Variants in ROR2 observed in about 807,000 individuals in gnomAD.
ROR2 encodes the protein ROR family WNT receptor 2.
In ROR2, 33 loss-of-function variants were observed where a neutral mutation model predicts 74.9. The ratio of observed to expected loss-of-function variants is 0.44; its 90% CI spans 0.33 to 0.59. The LOEUF (loss-of-function observed/expected upper bound fraction) is 0.59. Ranked by LOEUF, ROR2 falls within the 20% of genes least tolerant of loss-of-function variation. The pLI is 0.02. For missense variants in ROR2, 1,216 were observed against 1,313.8 expected (o/e 0.93, Z 1.15); for synonymous variants, 586 against 558.7 (o/e 1.05, Z -0.69).
chr9:91,730,883 T>A, intron 7 of ROR2, 27 bp downstream of exon 7: 1 of 1,613,624 alleles, frequency 6.2e-7, no homozygotes, highest in Non-Finnish European at 8.5e-7. Flanking sequence ...AATCAACACA[T>A]TAAAAAAAGA....
At chr9:91,753,918 T>C (rs1406334532) in intron 4 of ROR2, among the ~76,000 whole-genome samples, 6 of 152,240 alleles carry the variant, frequency 3.9e-5, no homozygotes, top group African/African-American at 1.4e-4. Flanking sequence ...GGTAAGCATA[T>C]TTCTTCATTG....
At chr9:91,764,389 T>C (rs1025252553) in intron 2 of ROR2, among the ~76,000 whole-genome samples, 2 of 152,222 alleles carry the variant, frequency 1.3e-5, no homozygotes, top group Non-Finnish European at 2.9e-5. Context: ...CCATTGCCTT[T>C]TATTTTTTCT....
At chr9:91,933,392 T>C (rs541217698) in intron 1 of ROR2, among the ~76,000 whole-genome samples, 4 of 151,996 alleles carry the variant, frequency 2.6e-5, no homozygotes, top group African/African-American at 7.2e-5. Context: ...AAAAAAAATA[T>C]GTTTACAGAT....
intron 3 of ROR2, 94 bp from the exon 4 acceptor site, chr9:91,756,195 C>T: frequency 7.8e-7 from 1 of 1,274,426 alleles, no homozygotes; most frequent in Non-Finnish European, 1.1e-6. Flanking sequence ...AGGCTGAAGC[C>T]AGCGGGCTCA....
chr9:91,861,949 G>A (rs1055710644), intron 1 of ROR2, among the ~76,000 whole-genome samples: 1 of 152,160 alleles, frequency 6.6e-6, no homozygotes, highest in Non-Finnish European at 1.5e-5. Context: ...GGCATTTGGA[G>A]ATGGGGCTTT....
intron 4 of ROR2, among the ~76,000 whole-genome samples, chr9:91,743,134 ATGCATGAC>A (rs1477158998): frequency 1.3e-5 from 2 of 152,210 alleles, no homozygotes; most frequent in African/African-American, 4.8e-5. Flanking sequence ...CTGTTACATG[ATGCATGAC>A]TGTATAACAG....
At chr9:91,842,494 C>T (rs1408049304) in intron 1 of ROR2, among the ~76,000 whole-genome samples, 1 of 152,238 alleles carries the variant, frequency 6.6e-6, no homozygotes, top group East Asian at 1.9e-4. Context: ...GTGTCCTCAC[C>T]CCGTGCGTTA....
At chr9:91,886,076 T>C (rs1042825568) in intron 1 of ROR2, among the ~76,000 whole-genome samples, 5 of 152,064 alleles carry the variant, frequency 3.3e-5, no homozygotes, top group African/African-American at 1.2e-4. Flanking sequence ...GATTTCACCA[T>C]GTTGGTCAGG....
chr9:91,800,229 C>A (rs1369209515), intron 1 of ROR2, among the ~76,000 whole-genome samples: 1 of 152,020 alleles, frequency 6.6e-6, no homozygotes, highest in Admixed American at 6.6e-5. Context: ...ATAATCCCAG[C>A]TACTCAGGAG....
At chr9:91,771,394 C>T (rs374478720) in intron 2 of ROR2, among the ~76,000 whole-genome samples, 6 of 152,274 alleles carry the variant, frequency 3.9e-5, no homozygotes, top group Admixed American at 1.3e-4. Flanking sequence ...AGTCTTGGAA[C>T]GAAAGAGCAT....
intron 1 of ROR2, among the ~76,000 whole-genome samples, chr9:91,819,462 GTC>G: frequency 6.6e-6 from 1 of 152,030 alleles, no homozygotes; most frequent in East Asian, 1.9e-4. Flanking sequence ...CTGTGTATGT[GTC>G]TGTGTGTCTC....
chr9:91,722,781 G>GT lies in ROR2; in HGVS notation c.*880dup. On this transcript the variant is annotated 3_prime_UTR_variant, in exon 9 of 9. Coordinates refer to ENST00000375708, the MANE Select transcript of ROR2 (RefSeq NM_004560.4). ...CAAGACCAACTGGATCCCAACGTGG[G>GT]TAACATAAACAGTTAAATTACTAAA... is the stretch of plus-strand genomic sequence containing the variant. The GT allele has an allele frequency of 3.3e-6, 2 of 598,080 alleles. 1 individual carries two copies. The highest frequency in any genetic ancestry group is 6.0e-6 in the Non-Finnish European group (2 of 331,794). The allele number at this position is 598,080 out of a possible 1,614,324, so 37.0% of individuals were successfully genotyped here. A position where few individuals can be genotyped will look rare whatever the true frequency, so the allele number is the denominator to read the frequency against.
chr9:91,848,710 G>A (rs546440850), intron 1 of ROR2, among the ~76,000 whole-genome samples: 15 of 149,630 alleles, frequency 1.0e-4, no homozygotes, highest in South Asian at 8.4e-4. Context: ...AGCTGAGATC[G>A]CTCCATTGCA....
At chr9:91,922,073 G>A (rs1050202921) in intron 1 of ROR2, among the ~76,000 whole-genome samples, 2 of 151,550 alleles carry the variant, frequency 1.3e-5, no homozygotes, top group African/African-American at 2.4e-5. Context: ...GGACTAGGAC[G>A]ACTATTACCA....
intron 1 of ROR2, among the ~76,000 whole-genome samples, chr9:91,926,119 C>T (rs866415085): frequency 2.6e-5 from 4 of 151,970 alleles, no homozygotes; most frequent in Non-Finnish European, 4.4e-5. Flanking sequence ...CGGTGGCTCA[C>T]GCCTGTAATC....
Position 91,949,863 on chromosome 9 carries a change from C to A in ROR2, c.97+4G>T. 6.5e-7 allele frequency: 1 copy of A among 1,530,690 alleles called. No individual in the cohort carries two copies. The allele number at this position is 1,530,690 out of a possible 1,614,324, so 94.8% of individuals were successfully genotyped here. On this transcript the variant is annotated splice_donor_region_variant and intron_variant, in intron 1 of 8. Coordinates refer to ENST00000375708, the MANE Select transcript of ROR2 (RefSeq NM_004560.4). The stretch of plus-strand genomic sequence containing the variant: ...TGCGCACAAGCCGGAACGCCAGATC[C>A]TACCTGAAGTCCGGGACACTGAGAG...
intron 1 of ROR2, among the ~76,000 whole-genome samples, chr9:91,794,186 T>C (rs1159412412): frequency 6.6e-6 from 1 of 152,182 alleles, no homozygotes; most frequent in Non-Finnish European, 1.5e-5. Flanking sequence ...TAGATAACAG[T>C]GGATATAATA....
chr9:91,860,518 C>A (rs576101445), intron 1 of ROR2, among the ~76,000 whole-genome samples: 3 of 152,148 alleles, frequency 2.0e-5, no homozygotes, highest in Admixed American at 2.0e-4. Context: ...TGGCTCACAG[C>A]GATCATGGAG....
intron 1 of ROR2, among the ~76,000 whole-genome samples, chr9:91,865,001 A>G (rs975209687): frequency 6.6e-6 from 1 of 152,192 alleles, no homozygotes; most frequent in African/African-American, 2.4e-5. Flanking sequence ...CTTAGCCAGG[A>G]AGTTTTATAC....
Sources: gnomAD v4.1 joint callset for allele counts (sites outside exome capture counted in the v4.1 genomes callset) on GRCh38, gnomAD v4.1.1 for gene constraint, MANE v1.5 for transcripts, NCBI Gene and HGNC (gene_info 2026-07-23, HGNC 2026-07-21) for gene names.